The following GALNT18 variants were observed in gnomAD, a reference collection of about 807,000 sequenced individuals.
GALNT18 encodes GalNAc-transferase 18.
In GALNT18, 44 loss-of-function variants were observed where a neutral mutation model predicts 69.5. That is an observed-to-expected ratio of 0.63 (90% confidence interval 0.50 to 0.81). The LOEUF (loss-of-function observed/expected upper bound fraction) is 0.81. Among genes scored for constraint, GALNT18 ranks in the 40% least tolerant of loss-of-function variants. The pLI is 0.00. For missense variants in GALNT18, 715 were observed against 810.0 expected, an observed-to-expected ratio of 0.88 and a Z score of 1.42; for synonymous variants, 364 against 318.2, an observed-to-expected ratio of 1.14 and a Z score of -1.53.
intron 10 of GALNT18, among the ~76,000 whole-genome samples, chr11:11,287,283 C>T (rs955280505): frequency 1.3e-5 from 2 of 152,132 alleles, no homozygotes; most frequent in African/African-American, 4.8e-5. Flanking sequence ...CTTGGAGGAC[C>T]ACATCATAAC....
intron 3 of GALNT18, among the ~76,000 whole-genome samples, chr11:11,403,604 C>T (rs1224505701): frequency 1.3e-5 from 2 of 152,162 alleles, no homozygotes; most frequent in African/African-American, 4.8e-5. Flanking sequence ...CTGAAAGTCC[C>T]CAAGGGGTCT....
chr11:11,605,796 G>A lies in GALNT18; in HGVS notation c.235+15563C>T, dbSNP rs1859740503. 6.6e-6 allele frequency among the ~76,000 whole-genome samples: 1 copy of A among 152,120 alleles called. No homozygotes were observed. The highest frequency in any genetic ancestry group is 6.5e-5 in the Admixed American group (1 of 15,282). Reference sequence around the variant, plus strand: ...TGTTTTAGTTTGAAAGTGACCACAAGTGACAGCTTTATTAAAATGAAGATG... The same window carrying A: ...TGTTTTAGTTTGAAAGTGACCACAAATGACAGCTTTATTAAAATGAAGATG... On this transcript the variant is annotated intron_variant, in intron 1 of 10. Coordinates refer to ENST00000227756, the MANE Select transcript of GALNT18 (RefSeq NM_198516.3). The surrounding 1 kb of genome is among the most constrained non-coding windows in gnomAD (Gnocchi z 4.7).
chr11:11,290,946 T>G (rs1288644890), intron 10 of GALNT18, among the ~76,000 whole-genome samples: 1 of 152,154 alleles, frequency 6.6e-6, no homozygotes, highest in African/African-American at 2.4e-5. Context: ...GACCCTGTTG[T>G]CTTCAACCTA....
intron 3 of GALNT18, among the ~76,000 whole-genome samples, chr11:11,409,973 C>T (rs1349944950): frequency 1.3e-5 from 2 of 152,186 alleles, no homozygotes; most frequent in Non-Finnish European, 2.9e-5. Context: ...GCTCCCTGCA[C>T]TACCAGGGTT....
At chr11:11,441,982 G>A (rs1381916635) in intron 2 of GALNT18, among the ~76,000 whole-genome samples, 2 of 152,174 alleles carry the variant, frequency 1.3e-5, no homozygotes, top group African/African-American at 4.8e-5. Context: ...TATTGTCACT[G>A]TAACAAATTA....
intron 1 of GALNT18, among the ~76,000 whole-genome samples, chr11:11,483,232 C>A (rs1856571538): frequency 6.6e-6 from 1 of 152,174 alleles, no homozygotes; most frequent in Non-Finnish European, 1.5e-5. Context: ...CAGCTCTACT[C>A]TTAGCCTGCT....
In GALNT18 at chr11:11,435,955, C is replaced by T. The variant is rs1369266893; in HGVS notation, c.429-3168G>A. 6.6e-5 allele frequency among the ~76,000 whole-genome samples: 10 copies of T among 152,242 alleles called. No homozygotes were observed. Among genetic ancestry groups the T allele is most frequent in the Non-Finnish European group, 1.5e-5 (1 of 68,038 alleles). ...CTTAAATCCTTCTTTTCTCTTCTCT[C>T]CTGGGACTGCTGGGGCCTCCTGGCG... On this transcript the variant is annotated intron_variant, in intron 2 of 10. Transcript: ENST00000227756. This position sits in a 1 kb window ranked among gnomAD's most constrained non-coding sequence, Gnocchi z 4.4.
At chr11:11,545,545 C>G (rs1445869345) in intron 1 of GALNT18, among the ~76,000 whole-genome samples, 2 of 152,224 alleles carry the variant, frequency 1.3e-5, no homozygotes, top group Non-Finnish European at 2.9e-5. Flanking sequence ...ACAGTGTATC[C>G]AAGCCACACT....
chr11:11,410,066 C>A (rs373605091), intron 3 of GALNT18, among the ~76,000 whole-genome samples: 1 of 152,130 alleles, frequency 6.6e-6, no homozygotes, highest in Non-Finnish European at 1.5e-5. Context: ...TCTCTCTGGA[C>A]GGGGCTCCCT....
chr11:11,616,116 A>G lies in GALNT18; in HGVS notation c.235+5243T>C, dbSNP rs1337603651. 6.6e-6 allele frequency among the ~76,000 whole-genome samples: 1 copy of G among 152,106 alleles called. No homozygotes were observed. Among genetic ancestry groups the G allele is most frequent in the Non-Finnish European group, 1.5e-5 (1 of 68,028 alleles). ...CTCCTAAAGTGCTGGGATTATAGGTATAAGCCACCACGCCTGGCCAAACAC... is the reference window on the plus strand; with the variant it reads ...CTCCTAAAGTGCTGGGATTATAGGTGTAAGCCACCACGCCTGGCCAAACAC... On this transcript the variant is annotated intron_variant, in intron 1 of 10. Transcript: ENST00000227756. This position sits in a 1 kb window ranked among gnomAD's most constrained non-coding sequence, Gnocchi z 4.4.
intron 6 of GALNT18, among the ~76,000 whole-genome samples, chr11:11,365,646 G>C (rs1467768971): frequency 1.3e-5 from 2 of 152,126 alleles, no homozygotes; most frequent in African/African-American, 2.4e-5. Context: ...AGCCTCACAA[G>C]CATCTATTGT....
chr11:11,333,090 GA>G lies in GALNT18; in HGVS notation c.1279-260del, dbSNP rs5789678. Among the ~76,000 whole-genome samples the G allele has an allele frequency of 3.2e-3, 449 of 141,336 alleles. 4 individuals carry two copies. The highest frequency in any genetic ancestry group is 8.8e-3 in the East Asian group (42 of 4,770). The allele number at this position is 141,336 out of a possible 152,430, so 92.7% of individuals were successfully genotyped here. A position where few individuals can be genotyped will look rare whatever the true frequency, so the allele number is the denominator to read the frequency against. ...AAAAAAAAGATGCCAAATCCTTAAA[GA>G]AAAAAAAAAAAAGCTATAGTCTGGG... On this transcript the variant is annotated intron_variant, in intron 7 of 10. Transcript: ENST00000227756.
chr11:11,495,434 T>C (rs1408843393), intron 1 of GALNT18, among the ~76,000 whole-genome samples: 2 of 152,046 alleles, frequency 1.3e-5, no homozygotes, highest in Non-Finnish European at 2.9e-5. Context: ...TCAAGACCCA[T>C]CAAATCAGGG....
intron 10 of GALNT18, among the ~76,000 whole-genome samples, chr11:11,291,991 T>G (rs1849308270): frequency 6.6e-6 from 1 of 152,136 alleles, no homozygotes; most frequent in South Asian, 2.1e-4. Context: ...AATCAAGGTA[T>G]AGCCAGCTTC....
At chr11:11,450,569 G>A (rs1855773003) in intron 1 of GALNT18, among the ~76,000 whole-genome samples, 1 of 152,216 alleles carries the variant, frequency 6.6e-6, no homozygotes, top group South Asian at 2.1e-4. Context: ...ACCTCAGTGT[G>A]AGAGATGCAA....
rs1859660556 is a variant in GALNT18 at position 11,602,711 on chromosome 11, C to T, written c.235+18648G>A. On this transcript the variant is annotated intron_variant, in intron 1 of 10. Transcript: ENST00000227756. The surrounding 1 kb of genome is among the most constrained non-coding windows in gnomAD (Gnocchi z 4.7). ...TTCACTGGGCAAAGGACCCACAGAG[C>T]TCCTCACACTGCCATTCCAGTTCTT... Among the ~76,000 whole-genome samples, 1 of 152,184 alleles carries T rather than the reference C, an allele frequency of 6.6e-6. No homozygotes were observed. Among genetic ancestry groups the T allele is most frequent in the African/African-American group, 2.4e-5 (1 of 41,432 alleles).
intron 1 of GALNT18, among the ~76,000 whole-genome samples, chr11:11,554,365 G>A (rs561343485): frequency 2.6e-5 from 4 of 152,118 alleles, no homozygotes; most frequent in Admixed American, 2.0e-4. Context: ...GGGGACCACC[G>A]TGACGGGGAG....
chr11:11,312,585 T>A (rs2133031023), intron 9 of GALNT18, among the ~76,000 whole-genome samples: 1 of 152,272 alleles, frequency 6.6e-6, no homozygotes, highest in East Asian at 1.9e-4. Flanking sequence ...TCTAAGTGGA[T>A]CCATGCAGTT....
In GALNT18 at chr11:11,592,288, A is replaced by G. The variant is rs1859376668; in HGVS notation, c.235+29071T>C. On this transcript the variant is annotated intron_variant, in intron 1 of 10. Coordinates refer to ENST00000227756, the MANE Select transcript of GALNT18 (RefSeq NM_198516.3). This position sits in a 1 kb window ranked among gnomAD's most constrained non-coding sequence, Gnocchi z 5.9. ...CGGAAGTGAAATGCTAAGAAATTATATGCACGGTTACGAAAAAAAATCAAA... is the reference window on the plus strand; with the variant it reads ...CGGAAGTGAAATGCTAAGAAATTATGTGCACGGTTACGAAAAAAAATCAAA... Among the ~76,000 whole-genome samples, 1 of 152,218 alleles carries G rather than the reference A, an allele frequency of 6.6e-6. No homozygotes were observed. Among genetic ancestry groups the G allele is most frequent in the South Asian group, 2.1e-4 (1 of 4,826 alleles).
Sources: allele counts gnomAD v4.1 joint callset (sites outside exome capture counted in the v4.1 genomes callset), GRCh38; gene constraint gnomAD v4.1.1; non-coding constraint Gnocchi (gnomAD v3.1); transcripts MANE v1.5; gene names NCBI Gene and HGNC (gene_info 2026-07-23, HGNC 2026-07-21).